Variants in NRXN1 observed in about 807,000 individuals in gnomAD.
NRXN1 encodes the protein neurexin-1.
A neutral mutation model predicts 150.9 loss-of-function variants in NRXN1; 39 were observed. That is an observed-to-expected ratio of 0.26 (90% CI 0.20 to 0.34). NRXN1 has a LOEUF of 0.34. Among genes scored for constraint, NRXN1 ranks in the 10% least tolerant of loss-of-function variants. The probability of loss-of-function intolerance (pLI) is 1.00; values close to 1 mark genes in which losing one functional copy is unlikely to be tolerated. For missense variants in NRXN1, 1,815 were observed against 1,949.9 expected (o/e 0.93, Z 1.30); for synonymous variants, 924 against 757.0 (o/e 1.22, Z -3.62).
intron 2 of NRXN1, among the ~76,000 whole-genome samples, chr2:50,991,044 T>C (rs1279525102): frequency 1.3e-5 from 2 of 152,102 alleles, no homozygotes; most frequent in East Asian, 1.9e-4. Flanking sequence ...TCTTTCAGCA[T>C]CTGCTCTGTG....
chr2:50,460,892 T>C (rs539356629), intron 17 of NRXN1, among the ~76,000 whole-genome samples: 51 of 152,104 alleles, frequency 3.4e-4, no homozygotes, highest in Admixed American at 3.1e-3. Context: ...GAGTATCTGG[T>C]TGTGGACATA....
intron 2 of NRXN1, among the ~76,000 whole-genome samples, chr2:51,013,300 C>G (rs544756137): frequency 2.0e-5 from 3 of 152,056 alleles, no homozygotes; most frequent in African/African-American, 7.2e-5. Context: ...GAGAGCCTGC[C>G]CAGAGTGTAT....
At chr2:50,594,360 C>A (rs1674804787) in intron 8 of NRXN1, among the ~76,000 whole-genome samples, 1 of 152,078 alleles carries the variant, frequency 6.6e-6, no homozygotes, top group South Asian at 2.1e-4. Flanking sequence ...AAACTGAAAC[C>A]TAATTCATAT....
intron 8 of NRXN1, among the ~76,000 whole-genome samples, chr2:50,557,951 G>A (rs2105372965): frequency 6.6e-6 from 1 of 152,212 alleles, no homozygotes; most frequent in African/African-American, 2.4e-5. Context: ...GGCTTTCTCT[G>A]TAAAATTCCT....
intron 17 of NRXN1, among the ~76,000 whole-genome samples, chr2:50,424,650 T>A (rs2084336533): frequency 6.6e-6 from 1 of 152,166 alleles, no homozygotes; most frequent in Non-Finnish European, 1.5e-5. Context: ...CAACTTAATT[T>A]AATTAATTAT....
At chr2:50,715,760 G>T (rs1695790715) in intron 5 of NRXN1, among the ~76,000 whole-genome samples, 1 of 152,146 alleles carries the variant, frequency 6.6e-6, no homozygotes. Flanking sequence ...CATCCTTTAA[G>T]TCCCAACTCA....
intron 17 of NRXN1, among the ~76,000 whole-genome samples, chr2:50,254,591 T>A (rs1267146963): frequency 6.6e-6 from 1 of 152,114 alleles, no homozygotes; most frequent in Non-Finnish European, 1.5e-5. Flanking sequence ...TTTAGCTGCA[T>A]CCCAAAGATT....
intron 17 of NRXN1, among the ~76,000 whole-genome samples, chr2:50,312,258 T>G (rs1042270584): frequency 2.0e-5 from 3 of 152,136 alleles, no homozygotes; most frequent in African/African-American, 7.2e-5. Context: ...TTCAGGATCT[T>G]AGTTTTTTAC....
intron 18 of NRXN1, among the ~76,000 whole-genome samples, chr2:50,165,495 T>C (rs1054165500): frequency 2.0e-5 from 3 of 152,154 alleles, no homozygotes; most frequent in Non-Finnish European, 2.9e-5. Context: ...ATTATAGGTA[T>C]GCACCACCAC....
intron 2 of NRXN1, among the ~76,000 whole-genome samples, chr2:50,945,676 T>C (rs1690242229): frequency 6.6e-6 from 1 of 151,762 alleles, no homozygotes; most frequent in African/African-American, 2.4e-5. Context: ...CAGCATACTG[T>C]ATAATCTTAG....
At chr2:50,993,269 G>C (rs1698808160) in intron 2 of NRXN1, among the ~76,000 whole-genome samples, 2 of 151,934 alleles carry the variant, frequency 1.3e-5, no homozygotes, top group South Asian at 4.1e-4. Context: ...TACAAAATGA[G>C]AATGGAGACC....
At chr2:50,470,638 C>T (rs1407118690) in intron 16 of NRXN1, among the ~76,000 whole-genome samples, 1 of 151,700 alleles carries the variant, frequency 6.6e-6, no homozygotes, top group Non-Finnish European at 1.5e-5. Context: ...AAATTTCTTT[C>T]TTCTTCTCTC....
intron 5 of NRXN1, among the ~76,000 whole-genome samples, chr2:50,725,281 T>G (rs545582355): frequency 3.8e-4 from 57 of 151,746 alleles, no homozygotes; most frequent in African/African-American, 1.2e-3. Context: ...TGTTTCCTGA[T>G]AGAAGAAAAA....
intron 2 of NRXN1, among the ~76,000 whole-genome samples, chr2:50,944,838 C>A (rs528332529): frequency 6.6e-6 from 1 of 152,328 alleles, no homozygotes; most frequent in Non-Finnish European, 1.5e-5. Flanking sequence ...GCAGACTCAA[C>A]TAGCACTGTG....
At chr2:50,218,293 T>A (rs1461510038) in intron 18 of NRXN1, among the ~76,000 whole-genome samples, 1 of 151,962 alleles carries the variant, frequency 6.6e-6, no homozygotes, top group African/African-American at 2.4e-5. Flanking sequence ...AAGTGATTCA[T>A]GAATGAACGA....
At chr2:50,214,452 A>G (rs2063246948) in intron 18 of NRXN1, among the ~76,000 whole-genome samples, 1 of 152,006 alleles carries the variant, frequency 6.6e-6, no homozygotes, top group Non-Finnish European at 1.5e-5. Flanking sequence ...TAATGAGTAA[A>G]TTACCAAATA....
chr2:50,177,774 A>ACT (rs72085403), intron 18 of NRXN1, among the ~76,000 whole-genome samples: 6,152 of 131,150 alleles, frequency 0.047, 168 homozygotes, highest in South Asian at 0.073. Flanking sequence ...TAACTAACTA[A>ACT]CTCTCTCTCT....
chr2:50,663,146 C>T (rs1330053925), intron 5 of NRXN1, among the ~76,000 whole-genome samples: 1 of 152,012 alleles, frequency 6.6e-6, no homozygotes, highest in Non-Finnish European at 1.5e-5. Flanking sequence ...GGCTATTGTG[C>T]TCTTTGACTT....
At chr2:49,925,011 G>T (rs1209715895) in intron 22 of NRXN1, among the ~76,000 whole-genome samples, 1 of 151,732 alleles carries the variant, frequency 6.6e-6, no homozygotes, top group Non-Finnish European at 1.5e-5. Context: ...TTATGTGTTG[G>T]TCGGGTGTGG....
Sources: allele counts gnomAD v4.1 joint callset (sites outside exome capture counted in the v4.1 genomes callset), GRCh38; gene constraint gnomAD v4.1.1; transcripts MANE v1.5; gene names NCBI Gene and HGNC (gene_info 2026-07-23, HGNC 2026-07-21).